Variants in RSRC1 observed in about 807,000 individuals in gnomAD.
RSRC1 encodes serine/Arginine-related protein 53.
Under a neutral mutation model 49.1 loss-of-function variants are expected in RSRC1, and 39 were observed. The observed-to-expected ratio is 0.79, with a 90% CI of 0.61 to 1.04. The LOEUF (loss-of-function observed/expected upper bound fraction) is 1.04, where lower values mean the gene tolerates loss of function less well. Ranked by LOEUF, RSRC1 falls within the 50% of genes least tolerant of loss-of-function variation. The pLI is 0.00. For missense variants in RSRC1, 388 were observed against 402.4 expected, an observed-to-expected ratio of 0.96 and a Z score of 0.31; for synonymous variants, 143 against 130.8, an observed-to-expected ratio of 1.09 and a Z score of -0.63.
At chr3:158,420,205 T>C (rs540126114) in intron 6 of RSRC1, among the ~76,000 whole-genome samples, 1 of 152,138 alleles carries the variant, frequency 6.6e-6, no homozygotes, top group Non-Finnish European at 1.5e-5. Context: ...CCAAGCATTG[T>C]ACTGGTAAGT....
At chr3:158,304,823 C>A (rs1285181060) in intron 5 of RSRC1, among the ~76,000 whole-genome samples, 2 of 152,138 alleles carry the variant, frequency 1.3e-5, no homozygotes, top group African/African-American at 4.8e-5. Context: ...TGAAGTTTTT[C>A]TTCTTTCTAC....
intron 4 of RSRC1, among the ~76,000 whole-genome samples, chr3:158,203,971 T>A (rs934492688): frequency 6.6e-6 from 1 of 152,154 alleles, no homozygotes; most frequent in African/African-American, 2.4e-5. Flanking sequence ...TATTCAAAAT[T>A]GTAATTGGGG....
chr3:158,433,010 G>T (rs1334523862), intron 6 of RSRC1, among the ~76,000 whole-genome samples: 2 of 151,784 alleles, frequency 1.3e-5, no homozygotes, highest in African/African-American at 4.8e-5. Flanking sequence ...ACTTGAAATT[G>T]TTATATACCT....
chr3:158,381,099 G>C (rs2108280757), intron 6 of RSRC1, among the ~76,000 whole-genome samples: 1 of 152,230 alleles, frequency 6.6e-6, no homozygotes, highest in East Asian at 1.9e-4. Context: ...ACTAGTCTAT[G>C]TTATTTACCA....
chr3:158,207,778 A>G (rs891982269), intron 4 of RSRC1, among the ~76,000 whole-genome samples: 10 of 152,108 alleles, frequency 6.6e-5, no homozygotes, highest in African/African-American at 2.4e-4. Flanking sequence ...ATAAATTGGG[A>G]AAAACAAAAC....
chr3:158,252,193 G>T (rs370409798), intron 4 of RSRC1, among the ~76,000 whole-genome samples: 7 of 149,146 alleles, frequency 4.7e-5, no homozygotes, highest in African/African-American at 1.7e-4. Flanking sequence ...AAGGAGTCTC[G>T]CTCTGTTGCC....
At chr3:158,423,090 A>G (rs1467861196) in intron 6 of RSRC1, among the ~76,000 whole-genome samples, 1 of 151,932 alleles carries the variant, frequency 6.6e-6, no homozygotes, top group African/African-American at 2.4e-5. Context: ...ATGAGATCCC[A>G]TTTGTCAATT....
intron 6 of RSRC1, among the ~76,000 whole-genome samples, chr3:158,438,247 G>A (rs944514728): frequency 6.6e-5 from 10 of 152,156 alleles, no homozygotes; most frequent in African/African-American, 1.2e-4. Context: ...CACTGTCCAA[G>A]GTAATTTATA....
chr3:158,481,767 C>T (rs1017952588), intron 7 of RSRC1, among the ~76,000 whole-genome samples: 1 of 152,030 alleles, frequency 6.6e-6, no homozygotes, highest in Non-Finnish European at 1.5e-5. Flanking sequence ...AAGATACTTA[C>T]AGTGTACTGC....
chr3:158,240,471 AG>A (rs1277656428), intron 4 of RSRC1, among the ~76,000 whole-genome samples: 5 of 152,186 alleles, frequency 3.3e-5, no homozygotes, highest in Middle Eastern at 3.2e-3. Flanking sequence ...GACATTATTG[AG>A]ATAAACCTGG....
intron 4 of RSRC1, among the ~76,000 whole-genome samples, chr3:158,253,863 C>A (rs1724370401): frequency 6.6e-6 from 1 of 151,822 alleles, no homozygotes. Flanking sequence ...TTTACTGCAC[C>A]CATCAACTCA....
chr3:158,324,243 T>TTA (rs1728937794), intron 5 of RSRC1, among the ~76,000 whole-genome samples: 1 of 151,648 alleles, frequency 6.6e-6, no homozygotes, highest in Non-Finnish European at 1.5e-5. Flanking sequence ...AAATTTTTTT[T>TTA]TTATTATACT....
intron 4 of RSRC1, among the ~76,000 whole-genome samples, chr3:158,209,195 G>A (rs1006887608): frequency 1.3e-5 from 2 of 152,138 alleles, no homozygotes; most frequent in African/African-American, 2.4e-5. Context: ...TCCAAATTGC[G>A]GCAGTGTTGG....
intron 7 of RSRC1, among the ~76,000 whole-genome samples, chr3:158,529,451 GT>G (rs1712251027): frequency 6.6e-6 from 1 of 151,802 alleles, no homozygotes; most frequent in Non-Finnish European, 1.5e-5. Context: ...AACTAGCCAT[GT>G]GGCTGTCACC....
intron 1 of RSRC1, among the ~76,000 whole-genome samples, chr3:158,120,735 A>G (rs1196891107): frequency 2.0e-5 from 3 of 148,648 alleles, no homozygotes; most frequent in East Asian, 1.9e-4. Flanking sequence ...AAAAACTGCA[A>G]TTACTTTTGC....
chr3:158,140,943 T>C (rs1164302831), intron 3 of RSRC1, among the ~76,000 whole-genome samples: 1 of 152,212 alleles, frequency 6.6e-6, no homozygotes, highest in African/African-American at 2.4e-5. Flanking sequence ...ATATTGACTA[T>C]GGAAGCAAAG....
At chr3:158,352,039 G>A (rs1479243337) in intron 5 of RSRC1, among the ~76,000 whole-genome samples, 1 of 151,536 alleles carries the variant, frequency 6.6e-6, no homozygotes, top group Non-Finnish European at 1.5e-5. Flanking sequence ...GGAGGCCTAG[G>A]TGGGAGGATT....
At chr3:158,417,322 A>C (rs959886697) in intron 6 of RSRC1, among the ~76,000 whole-genome samples, 3 of 152,064 alleles carry the variant, frequency 2.0e-5, no homozygotes, top group Non-Finnish European at 4.4e-5. Flanking sequence ...GCTATCATCA[A>C]TCTGCTTTTC....
intron 6 of RSRC1, among the ~76,000 whole-genome samples, chr3:158,459,747 T>A (rs912086723): frequency 6.6e-6 from 1 of 152,042 alleles, no homozygotes; most frequent in African/African-American, 2.4e-5. Flanking sequence ...ATTTCATGAC[T>A]TTAAATGCAG....
Sources: gnomAD v4.1 joint callset for allele counts (sites outside exome capture counted in the v4.1 genomes callset) on GRCh38, gnomAD v4.1.1 for gene constraint, MANE v1.5 for transcripts, NCBI Gene and HGNC (gene_info 2026-07-23, HGNC 2026-07-21) for gene names.